IQANK1: variants seen among roughly 807,000 people sequenced by gnomAD.
IQANK1 encodes the protein IQ motif and ankyrin repeat containing 1, also known as IQ motif and ankyrin repeat domain-containing protein 1.
In IQANK1, 30 loss-of-function variants were observed where a neutral mutation model predicts 22.6. The observed-to-expected ratio is 1.33, with a 90% CI of 0.99 to 1.80. The LOEUF is 1.80. Ranked by LOEUF, IQANK1 falls within the 40% of genes most tolerant of loss-of-function variation. The pLI, the probability that IQANK1 is intolerant of heterozygous loss-of-function variation, is 0.00. For synonymous variants in IQANK1, 122 were observed against 99.6 expected (o/e 1.23, Z -1.34); for missense variants, 275 against 235.2 (o/e 1.17, Z -1.11).
chr8:143,759,621 T>TCAAAGC (rs1173845177), intron 3 of IQANK1: 1 of 152,222 alleles, frequency 6.6e-6, no homozygotes, highest in Non-Finnish European at 1.5e-5. Flanking sequence ...GCAGTTGGAA[T>TCAAAGC]AGCCACCTGC....
At chr8:143,765,847 C>T (rs1344812567) in intron 3 of IQANK1, among the ~76,000 whole-genome samples, 1 of 152,192 alleles carries the variant, frequency 6.6e-6, no homozygotes, top group Non-Finnish European at 1.5e-5. Flanking sequence ...CTGATTCATT[C>T]TACTGCTGGT....
chr8:143,784,512 T>C (rs1819851886), intron 7 of IQANK1, among the ~76,000 whole-genome samples: 1 of 152,220 alleles, frequency 6.6e-6, no homozygotes, highest in South Asian at 2.1e-4. Context: ...GGTAGTTCTT[T>C]TTAGCCATGT....
intron 3 of IQANK1, chr8:143,760,236 A>G (rs966397092): frequency 1.8e-4 from 28 of 152,198 alleles, no homozygotes; most frequent in Admixed American, 1.0e-3. Flanking sequence ...TTTCTTGTCA[A>G]CCACAGGTGA....
At chr8:143,773,522 CATT>C (rs1554630038) in intron 7 of IQANK1, among the ~76,000 whole-genome samples, 1 of 152,080 alleles carries the variant, frequency 6.6e-6, no homozygotes, top group Non-Finnish European at 1.5e-5. Context: ...CCATCTCAGT[CATT>C]ATGTTCCCCC....
intron 3 of IQANK1, chr8:143,743,253 G>T (rs547366814): frequency 5.6e-6 from 2 of 356,890 alleles, no homozygotes; most frequent in African/African-American, 2.1e-5. Flanking sequence ...TTTGAGACAG[G>T]GTCAGCTGTC....
chr8:143,746,815 C>T (rs1666915019), intron 3 of IQANK1, among the ~76,000 whole-genome samples: 1 of 152,122 alleles, frequency 6.6e-6, no homozygotes. Context: ...ATCTAGGTCA[C>T]TCAATTTGTT....
intron 12 of IQANK1, 28 bp downstream of exon 12, chr8:143,790,092 A>G: frequency 8.1e-7 from 1 of 1,232,044 alleles, no homozygotes; most frequent in Non-Finnish European, 1.0e-6. Flanking sequence ...GACGTGGGCG[A>G]TTTGGGGTTT....
intron 3 of IQANK1, among the ~76,000 whole-genome samples, chr8:143,749,549 GATATATATC>G (rs1463327147): frequency 1.9e-4 from 25 of 129,992 alleles, no homozygotes; most frequent in African/African-American, 6.7e-4. Flanking sequence ...TGATATATAT[GATATATATC>G]ATATATATCA....
At chr8:143,773,371 G>T (rs959003727) in intron 7 of IQANK1, among the ~76,000 whole-genome samples, 4 of 151,868 alleles carry the variant, frequency 2.6e-5, no homozygotes, top group African/African-American at 9.7e-5. Flanking sequence ...GAGACACAAT[G>T]CCTGGACTTG....
intron 7 of IQANK1, among the ~76,000 whole-genome samples, chr8:143,773,336 A>AAC (rs1819622653): frequency 6.6e-6 from 1 of 151,290 alleles, no homozygotes; most frequent in Non-Finnish European, 1.5e-5. Flanking sequence ...CACAAAAAAA[A>AAC]CAGAGTCTGC....
chr8:143,742,358 T>C (rs782407770), intron 3 of IQANK1: 1 of 455,762 alleles, frequency 2.2e-6, no homozygotes, highest in Non-Finnish European at 4.4e-6. Flanking sequence ...GACTACAGCA[T>C]GCGGGGGAGG....
At chr8:143,776,721 T>C (rs551059958) in intron 7 of IQANK1, among the ~76,000 whole-genome samples, 1 of 152,288 alleles carries the variant, frequency 6.6e-6, no homozygotes, top group South Asian at 2.1e-4. Flanking sequence ...CGATCCCCTT[T>C]GGTCATTCAG....
Position 143,735,759 on chromosome 8 carries a change from C to T in IQANK1, c.-4-91C>T. The T allele has an allele frequency of 1.5e-6, 1 of 675,340 alleles. No individual in the cohort carries two copies. 41.8% of individuals were successfully genotyped at this position (675,340 alleles called of 1,614,324 possible). On this transcript the variant is annotated intron_variant, in intron 1 of 13. Coordinates refer to ENST00000527139, the MANE Select transcript of IQANK1 (RefSeq NM_001381874.1). This position sits in a 1 kb window ranked among gnomAD's most constrained non-coding sequence, Gnocchi z 5.2. Reference sequence around the variant, plus strand: ...GTTCCTGCTGTCATCCACTCAGGCGCCCATGGTGTGCCCTGTTCCCCACTG... The same window carrying T: ...GTTCCTGCTGTCATCCACTCAGGCGTCCATGGTGTGCCCTGTTCCCCACTG...
chr8:143,789,487 T>G lies in IQANK1; in HGVS notation c.1045T>G (p.Cys349Gly). Residue 349 changes from cysteine (C) to glycine (G), a missense_variant, in exon 10 of 14, where the codon TGT becomes GGT. Physicochemically the swap from Cys to Gly is radical, Grantham distance 159. Transcript: ENST00000527139. ...LSRRISEHDQ[C>G]EWRCMDKTKL... ...CCGGAGGATCTCAGAGCACGACCAGTGTGAGTGGAGGTGCATGGACAAGAC... is the reference window on the plus strand; with the variant it reads ...CCGGAGGATCTCAGAGCACGACCAGGGTGAGTGGAGGTGCATGGACAAGAC... 1 of 1,232,222 alleles carries G rather than the reference T, an allele frequency of 8.1e-7. No homozygotes were observed. Among genetic ancestry groups the G allele is most frequent in the Non-Finnish European group, 1.0e-6 (1 of 988,184 alleles). 76.3% of individuals were successfully genotyped at this position (1,232,222 alleles called of 1,614,324 possible).
intron 7 of IQANK1, among the ~76,000 whole-genome samples, chr8:143,782,500 C>G (rs1298335391): frequency 2.6e-5 from 4 of 151,692 alleles, no homozygotes; most frequent in Non-Finnish European, 5.9e-5. Flanking sequence ...TTTTTTGAGA[C>G]AGAGTTTCGC....
intron 3 of IQANK1, among the ~76,000 whole-genome samples, chr8:143,764,130 G>A (rs1228680620): frequency 6.6e-6 from 1 of 152,110 alleles, no homozygotes; most frequent in African/African-American, 2.4e-5. Flanking sequence ...GAAACATTGT[G>A]TGGAGGGCCC....
chr8:143,754,918 G>A (rs1387214046), intron 3 of IQANK1, among the ~76,000 whole-genome samples: 3 of 152,080 alleles, frequency 2.0e-5, no homozygotes, highest in African/African-American at 4.8e-5. Context: ...GAGCCACCGC[G>A]CCCAGCCAGG....
chr8:143,754,287 G>A (rs782748471), intron 3 of IQANK1, among the ~76,000 whole-genome samples: 14 of 152,132 alleles, frequency 9.2e-5, no homozygotes, highest in South Asian at 2.1e-4. Context: ...TACAGACTTC[G>A]TGACTATGTT....
rs2129907413 is a variant in IQANK1, at chr8:143,771,586, T to G, written c.274T>G (p.Tyr92Asp). 1.0e-5 allele frequency: 4 copies of G among 396,152 alleles called. No individual in the cohort carries two copies. In the East Asian group the frequency reaches 1.4e-4, roughly 14 times the overall value. 24.5% of individuals were successfully genotyped at this position (396,152 alleles called of 1,614,324 possible). The stretch of plus-strand genomic sequence containing the variant: ...CCGCCGCCGGGAGGAGCGCCGGGAG[T>G]ACCTGGAGCAGATGGAGACGCCGCA... ...LARRREERRE[Y>D]LEQMETPQKE... Residue 92 changes from tyrosine to aspartate, a missense_variant, in exon 4 of 14, where the codon TAC (tyrosine) becomes GAC (aspartate). Transcript: ENST00000527139. The surrounding 1 kb of genome is among the most constrained non-coding windows in gnomAD (Gnocchi z 6.0).
Sources: allele counts gnomAD v4.1 joint callset (sites outside exome capture counted in the v4.1 genomes callset), GRCh38; gene constraint gnomAD v4.1.1; non-coding constraint Gnocchi (gnomAD v3.1); transcripts MANE v1.5; gene names NCBI Gene and HGNC (gene_info 2026-07-23, HGNC 2026-07-21).